The following ZNF469 variants were observed in gnomAD, a reference collection of about 807,000 sequenced individuals.
ZNF469 encodes the protein zinc finger protein 469.
Under a neutral mutation model 1.0 loss-of-function variants are expected in ZNF469, and 1 was observed. The observed-to-expected ratio is 1.00, with a 90% CI of 0.35 to 4.73. The LOEUF is 4.73. Among genes scored for constraint, ZNF469 ranks in the 30% most tolerant of loss-of-function variants. The pLI is 0.16. For synonymous variants in ZNF469, 2,703 were observed against 2,363.4 expected, an observed-to-expected ratio of 1.14 and a Z score of -4.17; for missense variants, 6,100 against 5,356.3, an observed-to-expected ratio of 1.14 and a Z score of -4.33.
the ZNF469 span, among the ~76,000 whole-genome samples, chr16:88,150,588 G>A: frequency 1.3e-5 from 2 of 152,188 alleles, no homozygotes; most frequent in Admixed American, 6.5e-5. Flanking sequence ...TGCCCAGGAA[G>A]CTGCATTGTG....
chr16:88,338,031 C>T, the ZNF469 span, among the ~76,000 whole-genome samples: 2 of 152,210 alleles, frequency 1.3e-5, no homozygotes, highest in Non-Finnish European at 2.9e-5. Flanking sequence ...GCTGTGCTTT[C>T]GGTGACACAT....
At chr16:88,407,510 C>T (rs555039400) in intron 1 of ZNF469, among the ~76,000 whole-genome samples, 31 of 152,360 alleles carry the variant, frequency 2.0e-4, no homozygotes, top group African/African-American at 7.2e-4. Flanking sequence ...GTGTCGGACA[C>T]CGAACGAGGC....
chr16:88,223,037 T>C, the ZNF469 span, among the ~76,000 whole-genome samples: 1 of 152,240 alleles, frequency 6.6e-6, no homozygotes, highest in Non-Finnish European at 1.5e-5. Flanking sequence ...GGTAAAAACC[T>C]GAAGCATGAT....
the ZNF469 span, among the ~76,000 whole-genome samples, chr16:88,134,464 T>C: frequency 1.3e-5 from 2 of 152,334 alleles, no homozygotes; most frequent in African/African-American, 2.4e-5. Context: ...TCTAGATCAT[T>C]CCGTGTGGTT....
the ZNF469 span, among the ~76,000 whole-genome samples, chr16:88,161,453 A>C: frequency 6.6e-6 from 1 of 152,214 alleles, no homozygotes. Flanking sequence ...ACTAGACCAC[A>C]GCATGTGTGT....
At chr16:88,342,371 T>G in the ZNF469 span, among the ~76,000 whole-genome samples, 1 of 152,030 alleles carries the variant, frequency 6.6e-6, no homozygotes, top group Non-Finnish European at 1.5e-5. Flanking sequence ...AAATGTCCTC[T>G]CCCAGCAGCC....
chr16:88,429,991 G>C lies in ZNF469; in HGVS notation c.2521G>C (p.Asp841His). Reference sequence around the variant, plus strand: ...GGACATGGAGGATGACGCCAAGCTGGACAGCCTCATCACAGAGGCGCTCAA... The same window carrying C: ...GGACATGGAGGATGACGCCAAGCTGCACAGCCTCATCACAGAGGCGCTCAA... ...DLDMEDDAKL[D>H]SLITEALNGM... Residue 841 changes from aspartate (D) to histidine (H), a missense_variant, in exon 3 of 3, where the codon GAC becomes CAC. By Grantham distance (81) the Asp-to-His change is moderately conservative. Coordinates refer to ENST00000565624, the MANE Select transcript of ZNF469 (RefSeq NM_001367624.2). 1 of 1,550,374 alleles carries C rather than the reference G, an allele frequency of 6.5e-7. No individual in the cohort carries two copies. The highest frequency in any genetic ancestry group is 8.7e-7 in the Non-Finnish European group (1 of 1,146,966).
chr16:88,148,082 C>T, the ZNF469 span, among the ~76,000 whole-genome samples: 27 of 150,372 alleles, frequency 1.8e-4, no homozygotes, highest in Non-Finnish European at 3.3e-4. Flanking sequence ...AGTGGGGCGG[C>T]GACTGCAGCT....
chr16:88,399,200 C>A (rs1904785242), intron 1 of ZNF469, among the ~76,000 whole-genome samples: 1 of 152,236 alleles, frequency 6.6e-6, no homozygotes, highest in African/African-American at 2.4e-5. Context: ...GCCTGGCAGT[C>A]ATCTGAGGCT....
the ZNF469 span, among the ~76,000 whole-genome samples, chr16:88,349,718 AT>A: frequency 1.4e-5 from 2 of 147,248 alleles, no homozygotes; most frequent in African/African-American, 5.1e-5. Flanking sequence ...ACAAGTACAC[AT>A]CCAGCACAAT....
At chr16:88,213,353 C>A in the ZNF469 span, among the ~76,000 whole-genome samples, 1 of 152,172 alleles carries the variant, frequency 6.6e-6, no homozygotes, top group Non-Finnish European at 1.5e-5. Flanking sequence ...CTCGCCTCGG[C>A]CTCCCAAAGT....
the ZNF469 span, among the ~76,000 whole-genome samples, chr16:88,183,291 T>G: frequency 9.2e-5 from 14 of 152,146 alleles, no homozygotes; most frequent in Non-Finnish European, 2.1e-4. Context: ...TAACACGGGC[T>G]CCAGCAATCC....
chr16:88,286,443 A>G, the ZNF469 span, among the ~76,000 whole-genome samples: 1 of 152,150 alleles, frequency 6.6e-6, no homozygotes, highest in Non-Finnish European at 1.5e-5. Flanking sequence ...TCCTCTCCCC[A>G]TCTGAACGCC....
At chr16:88,113,424 G>A in the ZNF469 span, among the ~76,000 whole-genome samples, 1 of 152,204 alleles carries the variant, frequency 6.6e-6, no homozygotes, top group Non-Finnish European at 1.5e-5. Context: ...CGTGGGTAAT[G>A]GGCGGCTCTT....
the ZNF469 span, among the ~76,000 whole-genome samples, chr16:88,296,742 CACAT>C: frequency 0.037 from 5,664 of 152,118 alleles, 243 homozygotes; most frequent in East Asian, 0.16. Context: ...CACCCACACA[CACAT>C]ACACAGGTGC....
the ZNF469 span, among the ~76,000 whole-genome samples, chr16:88,185,569 A>G: frequency 6.6e-6 from 1 of 152,156 alleles, no homozygotes; most frequent in Non-Finnish European, 1.5e-5. Flanking sequence ...ACACACGTGA[A>G]TATAGTACTC....
chr16:88,414,972 G>A (rs1048577431), intron 1 of ZNF469, among the ~76,000 whole-genome samples: 12 of 152,228 alleles, frequency 7.9e-5, no homozygotes, highest in African/African-American at 1.2e-4. Flanking sequence ...AGGGTCAGCC[G>A]CGCCAGGGCC....
In ZNF469 at chr16:88,411,693, G is replaced by A. The variant is rs142631240; in HGVS notation, c.-191-13114G>A. 5.1e-3 allele frequency among the ~76,000 whole-genome samples: 774 copies of A among 152,302 alleles called. 4 individuals carry two copies. Among genetic ancestry groups the A allele is most frequent in the Non-Finnish European group, 8.0e-3 (547 of 68,022 alleles). On this transcript the variant is annotated intron_variant, in intron 1 of 2. Transcript: ENST00000565624. ...GGAGACGGCGGTGGCCTGAGGTGGC[G>A]CAGGGTGGATGCCAGCCCAAGTGCT...
chr16:88,171,157 G>C, the ZNF469 span, among the ~76,000 whole-genome samples: 1 of 152,220 alleles, frequency 6.6e-6, no homozygotes, highest in Non-Finnish European at 1.5e-5. Context: ...ACCTAGGTAG[G>C]CATGATGGAG....
Sources: gnomAD v4.1 joint callset for allele counts (sites outside exome capture counted in the v4.1 genomes callset) on GRCh38, gnomAD v4.1.1 for gene constraint, MANE v1.5 for transcripts, NCBI Gene and HGNC (gene_info 2026-07-23, HGNC 2026-07-21) for gene names.